The following DAP3 variants were observed in gnomAD, a reference collection of about 807,000 sequenced individuals.
DAP3 encodes small ribosomal subunit protein mS29.
Under a neutral mutation model 51.9 loss-of-function variants are expected in DAP3, and 28 were observed. That is an observed-to-expected ratio of 0.54 (90% CI 0.40 to 0.74). DAP3 has a LOEUF of 0.74. Ranked by LOEUF, DAP3 falls within the 30% of genes least tolerant of loss-of-function variation. DAP3 has a pLI of 0.00. For synonymous variants in DAP3, 170 were observed against 170.3 expected (o/e 1.00, Z 0.01); for missense variants, 458 against 483.5 (o/e 0.95, Z 0.49).
chr1:155,720,324 C>CGAAAA (rs1657829040), intron 3 of DAP3, among the ~76,000 whole-genome samples: 1 of 32,788 alleles, frequency 3.0e-5, no homozygotes, highest in African/African-American at 1.3e-4. Flanking sequence ...GATCTTGTCT[C>CGAAAA]AAAAAAAAAA....
upstream of DAP3, chr1:155,688,240 G>C: frequency 6.2e-7 from 1 of 1,610,986 alleles, no homozygotes; most frequent in Admixed American, 1.7e-5. Context: ...AAAGGTGGAG[G>C]GCTAAAGGGG....
chr1:155,713,447 C>T (rs1178868974), intron 2 of DAP3, among the ~76,000 whole-genome samples: 1 of 152,206 alleles, frequency 6.6e-6, no homozygotes, highest in East Asian at 1.9e-4. Context: ...TCTGTGTATA[C>T]TTCACTAAGT....
chr1:155,729,203 A>G lies in DAP3; in HGVS notation c.685-5A>G. The G allele has an allele frequency of 6.2e-7, 1 of 1,614,224 alleles. No individual in the cohort carries two copies. Among genetic ancestry groups the G allele is most frequent in the Middle Eastern group, 1.7e-4 (1 of 6,058 alleles). On this transcript the variant is annotated splice_polypyrimidine_tract_variant and splice_region_variant and intron_variant, in intron 8 of 12. Transcript: ENST00000368336. ...AGCACTACAATCCACTGTCTCTCCC[A>G]ATAGGGCATAACACGGGTGAGGAAC...
At chr1:155,688,651 A>C (rs1343436158), upstream of DAP3, 1 of 1,532,916 alleles carries the variant, frequency 6.5e-7, no homozygotes, top group African/African-American at 1.4e-5. Context: ...GCAGGCCCTC[A>C]CGCGTACCTT....
Position 155,738,031 on chromosome 1 carries a change from C to T in DAP3, c.1112-126C>T, listed in dbSNP as rs145765291. On this transcript the variant is annotated intron_variant, in intron 12 of 12. Coordinates refer to ENST00000368336, the MANE Select transcript of DAP3 (RefSeq NM_004632.4). ...TGGGGTGAGGGTCTAGAAGTAAGAT[C>T]TCTTGGGAGATGATAATTACCTCAG... 9.8e-4 allele frequency: 841 copies of T among 854,276 alleles called. 5 individuals carry two copies. In the African/African-American group the frequency reaches 0.012, roughly 13 times the overall value. The allele number at this position is 854,276 out of a possible 1,614,324, so 52.9% of individuals were successfully genotyped here. A position where few individuals can be genotyped will look rare whatever the true frequency, so the allele number is the denominator to read the frequency against.
At chr1:155,734,435 C>T (rs1659556595) in intron 11 of DAP3, among the ~76,000 whole-genome samples, 1 of 152,062 alleles carries the variant, frequency 6.6e-6, no homozygotes, top group South Asian at 2.1e-4. Flanking sequence ...CCTCGGCCTC[C>T]TAAAGTGCTG....
intron 3 of DAP3, 82 bp downstream of exon 3, chr1:155,717,210 C>A: frequency 6.4e-7 from 1 of 1,568,526 alleles, no homozygotes. Context: ...AAAACTGAAA[C>A]TGAAAGAAGC....
At chr1:155,701,800 C>T (rs1269044726) in intron 1 of DAP3, among the ~76,000 whole-genome samples, 1 of 151,516 alleles carries the variant, frequency 6.6e-6, no homozygotes, top group Non-Finnish European at 1.5e-5. Context: ...TTTCTTAGTT[C>T]TAAAGCTTCA....
chr1:155,699,255 G>A (rs1392886033), intron 1 of DAP3, among the ~76,000 whole-genome samples: 1 of 152,226 alleles, frequency 6.6e-6, no homozygotes, highest in African/African-American at 2.4e-5. Flanking sequence ...TCTCCTTTGT[G>A]CTCAAGCAGC....
intron 3 of DAP3, among the ~76,000 whole-genome samples, chr1:155,719,316 A>G (rs989772436): frequency 2.0e-5 from 3 of 149,562 alleles, no homozygotes; most frequent in African/African-American, 7.4e-5. Flanking sequence ...TCTCACTGCA[A>G]CCTCCACCTC....
chr1:155,688,246 A>C (rs1282420294), upstream of DAP3: 2 of 1,609,792 alleles, frequency 1.2e-6, no homozygotes, highest in Non-Finnish European at 1.7e-6. Context: ...GGAGGGCTAA[A>C]GGGGCAAACT....
chr1:155,688,012 G>A (rs1473733755), upstream of DAP3: 1 of 1,507,924 alleles, frequency 6.6e-7, no homozygotes, highest in African/African-American at 1.4e-5. Context: ...AGAAAGCCCA[G>A]GATTCAATCG....
chr1:155,698,864 T>C (rs1213003048), intron 1 of DAP3, among the ~76,000 whole-genome samples: 3 of 152,252 alleles, frequency 2.0e-5, no homozygotes, highest in Non-Finnish European at 4.4e-5. Flanking sequence ...CCCGCTCACC[T>C]GCGGAGCTTA....
chr1:155,726,112 TC>T, intron 6 of DAP3, 93 bp downstream of exon 6: 10 of 1,007,462 alleles, frequency 9.9e-6, no homozygotes, highest in Admixed American at 2.9e-5. Context: ...TCTTTTCTTT[TC>T]TTTTTTTTTT....
In DAP3 at chr1:155,738,273, G is replaced by T. The variant is rs1246210162; in HGVS notation, c.*31G>T. 1.9e-6 allele frequency: 3 copies of T among 1,612,176 alleles called. No homozygotes were observed. The African/African-American group carries it at 4.0e-5, about 22-fold the overall frequency. ...GATCACAGCATGTGAGGAAGACAGTGGACATCTGCTTTATGCTGGACCCAG... is the reference window on the plus strand; with the variant it reads ...GATCACAGCATGTGAGGAAGACAGTTGACATCTGCTTTATGCTGGACCCAG... On this transcript the variant is annotated 3_prime_UTR_variant, in exon 13 of 13. Coordinates refer to ENST00000368336, the MANE Select transcript of DAP3 (RefSeq NM_004632.4).
intron 1 of DAP3, among the ~76,000 whole-genome samples, chr1:155,699,802 G>A (rs348190): frequency 0.09 from 13,709 of 152,012 alleles, 2,185 homozygotes; most frequent in African/African-American, 0.32. Flanking sequence ...TTTGGTAGAG[G>A]ACAAGGTCTC....
At chr1:155,700,685 G>A (rs1345758927) in intron 1 of DAP3, among the ~76,000 whole-genome samples, 1 of 144,990 alleles carries the variant, frequency 6.9e-6, no homozygotes, top group Non-Finnish European at 1.5e-5. Flanking sequence ...CCCCGTCCGG[G>A]AGGGAGATGG....
rs1557796489 is a variant in DAP3, at chr1:155,729,348, AAG to A, written c.829_830del (p.Glu277ArgfsTer2). ...NALWGRTTLK[R>X]EDKSPIAPEE... is the part of the protein sequence containing the mutation. ...CTCTTTGGGGAAGAACCACTCTGAA[AAG>A]AGAAGATAAAAGCCCGGTAGGAAAA... On this transcript the variant is annotated frameshift_variant, in exon 9 of 13. Coordinates refer to ENST00000368336, the MANE Select transcript of DAP3 (RefSeq NM_004632.4). LOFTEE classifies it high-confidence loss of function. 12 of 1,613,546 alleles carry A rather than the reference AAG, an allele frequency of 7.4e-6. No individual in the cohort carries two copies. Among genetic ancestry groups the A allele is most frequent in the East Asian group, 2.2e-5 (1 of 44,888 alleles).
chr1:155,725,333 C>T (rs761371305), intron 4 of DAP3, 49 bp from the exon 5 acceptor site: 2 of 1,536,172 alleles, frequency 1.3e-6, no homozygotes, highest in Non-Finnish European at 1.8e-6. Flanking sequence ...CACCCCCCAC[C>T]CACTCCTTCC....
Sources: gnomAD v4.1 joint callset for allele counts (sites outside exome capture counted in the v4.1 genomes callset) on GRCh38, gnomAD v4.1.1 for gene constraint, MANE v1.5 for transcripts, NCBI Gene and HGNC (gene_info 2026-07-23, HGNC 2026-07-21) for gene names.